Variants in ADA observed in about 807,000 individuals in gnomAD.
ADA encodes adenosine aminohydrolase.
Under a neutral mutation model 49.0 loss-of-function variants are expected in ADA, and 45 were observed. The ratio of observed to expected loss-of-function variants is 0.92; its 90% CI spans 0.72 to 1.18. The LOEUF (loss-of-function observed/expected upper bound fraction) is 1.18. Ranked by LOEUF, ADA falls within the 50% of genes most tolerant of loss-of-function variation. The pLI is 0.00. For missense variants in ADA, 445 were observed against 472.5 expected, an observed-to-expected ratio of 0.94 and a Z score of 0.54; for synonymous variants, 173 against 184.2, an observed-to-expected ratio of 0.94 and a Z score of 0.49.
At position 44,651,647 on chromosome 20, in the gene ADA, G is replaced by T. The variant is rs1378059061; in HGVS notation, c.-40C>A. The T allele has an allele frequency of 4.0e-6, 6 of 1,498,382 alleles. No individual in the cohort carries two copies. The Admixed American group carries it at 6.3e-5, about 16-fold the overall frequency. 92.8% of individuals were successfully genotyped at this position (1,498,382 alleles called of 1,614,324 possible). A position where few individuals can be genotyped will look rare whatever the true frequency, so the allele number is the denominator to read the frequency against. On this transcript the variant is annotated 5_prime_UTR_variant, in exon 1 of 12. Transcript: ENST00000372874. Reference sequence around the variant, plus strand: ...CCCCGGCGCTGCTCCCTCCGCCGCCGCTCGGTGGGTCTCTGCCGGCTCGGT... The same window carrying T: ...CCCCGGCGCTGCTCCCTCCGCCGCCTCTCGGTGGGTCTCTGCCGGCTCGGT...
At position 44,638,421 on chromosome 20, in the gene ADA, CA is replaced by C. The variant is rs1568852512; in HGVS notation, c.34-2134del. 2.1e-4 allele frequency among the ~76,000 whole-genome samples: 32 copies of C among 152,062 alleles called. No individual in the cohort carries two copies. The East Asian group carries it at 6.0e-3, about 29-fold the overall frequency. On this transcript the variant is annotated intron_variant, in intron 1 of 11. Coordinates refer to ENST00000372874, the MANE Select transcript of ADA (RefSeq NM_000022.4). The stretch of plus-strand genomic sequence containing the variant: ...TGAAACCCCATCTCTACTAAAAATG[CA>C]AAAAATTAGCCAGGCGTGGTGGCGC...
At chr20:44,642,469 GAAGA>G (rs1462025112) in intron 1 of ADA, among the ~76,000 whole-genome samples, 1 of 152,234 alleles carries the variant, frequency 6.6e-6, no homozygotes, top group Non-Finnish European at 1.5e-5. Context: ...TCGCCAGGGA[GAAGA>G]AAGAAGGAGA....
At chr20:44,634,592 C>A (rs2065462646) in intron 2 of ADA, among the ~76,000 whole-genome samples, 2 of 152,224 alleles carry the variant, frequency 1.3e-5, no homozygotes, top group Non-Finnish European at 2.9e-5. Context: ...AATAACTTAA[C>A]CCGGGTAACG....
intron 2 of ADA, among the ~76,000 whole-genome samples, chr20:44,634,643 CT>C: frequency 6.6e-6 from 1 of 152,216 alleles, no homozygotes; most frequent in Non-Finnish European, 1.5e-5. Flanking sequence ...TGCTACTGTG[CT>C]TATGCCTTGC....
intron 2 of ADA, 121 bp from the exon 3 acceptor site, chr20:44,629,290 G>T: frequency 6.9e-7 from 1 of 1,439,426 alleles, no homozygotes; most frequent in Non-Finnish European, 9.5e-7. Flanking sequence ...AGGAGACATG[G>T]GCGTCTCTCA....
intron 2 of ADA, among the ~76,000 whole-genome samples, chr20:44,634,088 G>A (rs1024223711): frequency 2.6e-5 from 4 of 152,222 alleles, no homozygotes; most frequent in Middle Eastern, 3.2e-3. Flanking sequence ...GCCCCTCCCG[G>A]CGGCTCCTTT....
rs549650127 is a variant in ADA at position 44,619,703 on chromosome 20, T to C, written c.*131A>G. ...ATACGTGTGTGCAGAAATGGACACA[T>C]AGGGTTCAGGAGCATCAGTAACTGA... On this transcript the variant is annotated 3_prime_UTR_variant, in exon 12 of 12. Coordinates refer to ENST00000372874, the MANE Select transcript of ADA (RefSeq NM_000022.4). 57 of 1,230,516 alleles carry C rather than the reference T, an allele frequency of 4.6e-5. 1 individual carries two copies. The highest frequency in any genetic ancestry group is 4.0e-4 in the South Asian group (33 of 81,502). The allele number at this position is 1,230,516 out of a possible 1,614,324, so 76.2% of individuals were successfully genotyped here.
At chr20:44,626,166 G>A (rs770067052) in intron 4 of ADA, among the ~76,000 whole-genome samples, 2 of 152,218 alleles carry the variant, frequency 1.3e-5, no homozygotes, top group Non-Finnish European at 2.9e-5. Flanking sequence ...AGACCCCTCA[G>A]AAATCCTGGG....
chr20:44,636,070 C>T (rs1323420930), intron 2 of ADA, 157 bp downstream of exon 2: 8 of 737,338 alleles, frequency 1.1e-5, no homozygotes, highest in Non-Finnish European at 1.9e-5. Flanking sequence ...GCTGAGGCCT[C>T]CATGTCCTCA....
intron 2 of ADA, among the ~76,000 whole-genome samples, chr20:44,629,722 G>C (rs1600928445): frequency 2.6e-5 from 4 of 152,084 alleles, no homozygotes; most frequent in Non-Finnish European, 5.9e-5. Context: ...CAGGGGAGGG[G>C]CCCAGTGGGC....
intron 2 of ADA, among the ~76,000 whole-genome samples, chr20:44,631,681 C>T (rs74840418): frequency 0.012 from 1,872 of 152,328 alleles, 37 homozygotes; most frequent in African/African-American, 0.043. Context: ...TCTGGTCGTT[C>T]TCTCTCAGAC....
At chr20:44,631,708 C>A (rs1053811551) in intron 2 of ADA, among the ~76,000 whole-genome samples, 7 of 152,208 alleles carry the variant, frequency 4.6e-5, no homozygotes. Context: ...TTTTACACAC[C>A]TGGCCAGGCC....
rs373294495 is a variant in ADA, at chr20:44,636,300, C to T, written c.34-12G>A. On this transcript the variant is annotated splice_polypyrimidine_tract_variant and intron_variant, in intron 1 of 11. Coordinates refer to ENST00000372874, the MANE Select transcript of ADA (RefSeq NM_000022.4). ...ACATGCAGTTCCACCTGCAAGGGGG[C>T]AGGGGGAAGAGAGAGAGAAAGGGAG... 15 of 1,595,110 alleles carry T rather than the reference C, an allele frequency of 9.4e-6. No individual in the cohort carries two copies. Among genetic ancestry groups the T allele is most frequent in the Non-Finnish European group, 1.2e-5 (14 of 1,167,830 alleles).
chr20:44,619,635 G>A lies in ADA; in HGVS notation c.*199C>T. 1.5e-6 allele frequency: 1 copy of A among 665,650 alleles called. No homozygotes were observed. The allele number at this position is 665,650 out of a possible 1,614,324, so 41.2% of individuals were successfully genotyped here. ...CCATGTGCAAGGGCGCTGGTCCCTG[G>A]CCAGGGCACATAATCAGAGAAGTGA... On this transcript the variant is annotated 3_prime_UTR_variant, in exon 12 of 12. Transcript: ENST00000372874.
rs562055008 is a variant in ADA at position 44,623,043 on chromosome 20, G to A, written c.642C>T (p.His214=). The A allele has an allele frequency of 9.5e-5, 153 of 1,614,116 alleles. No individual in the cohort carries two copies. Among genetic ancestry groups the A allele is most frequent in the South Asian group, 5.6e-4 (51 of 91,084 alleles). The change falls in exon 7 of 12, where the codon CAC becomes CAT. Residue 214 remains histidine, a synonymous_variant. Coordinates refer to ENST00000372874, the MANE Select transcript of ADA (RefSeq NM_000022.4). ...AVKSGIHRTV[H]AGEVGSAEVV... ...CTTCGGCCGAGCCCACCTCCCCGGC[G>A]TGGACAGTACGGTGAATGCCGCTCT...
chr20:44,619,975 A>T (rs2065312323), intron 11 of ADA, 128 bp from the exon 12 acceptor site: 1 of 1,268,950 alleles, frequency 7.9e-7, no homozygotes, highest in South Asian at 1.3e-5. Flanking sequence ...CCTTGCCAAG[A>T]CCACATAGGA....
intron 2 of ADA, among the ~76,000 whole-genome samples, chr20:44,631,171 T>TG (rs1054147048): frequency 6.6e-6 from 1 of 152,196 alleles, no homozygotes; most frequent in Non-Finnish European, 1.5e-5. Flanking sequence ...CTAAGCCCCC[T>TG]GAATGTGCTC....
rs550893200 is a variant in ADA, at chr20:44,622,666, T to C, written c.781-14A>G. ...CCAGGGGCAGATCTGGAAGAGCAGG[T>C]GTGTGGCTGGCAGGGATGGCCCCAG... is the stretch of plus-strand genomic sequence containing the variant. On this transcript the variant is annotated splice_polypyrimidine_tract_variant and intron_variant, in intron 8 of 11. Coordinates refer to ENST00000372874, the MANE Select transcript of ADA (RefSeq NM_000022.4). The C allele has an allele frequency of 6.2e-7, 1 of 1,614,046 alleles. No individual in the cohort carries two copies. Among genetic ancestry groups the C allele is most frequent in the Non-Finnish European group, 8.5e-7 (1 of 1,179,982 alleles).
In ADA at chr20:44,629,193, G is replaced by A. The variant is rs1210147611; in HGVS notation, c.96-24C>T. The A allele has an allele frequency of 6.8e-6, 11 of 1,613,958 alleles. No homozygotes were observed. The East Asian group carries it at 2.5e-4, about 36-fold the overall frequency. On this transcript the variant is annotated intron_variant, in intron 2 of 11. Coordinates refer to ENST00000372874, the MANE Select transcript of ADA (RefSeq NM_000022.4). ...TCCTGGAAACAAAACAGTGAGTGGT[G>A]GACCAACCCGGGGCAGGATCCAGGC...
Sources: gnomAD v4.1 joint callset for allele counts (sites outside exome capture counted in the v4.1 genomes callset) on GRCh38, gnomAD v4.1.1 for gene constraint, MANE v1.5 for transcripts, NCBI Gene and HGNC (gene_info 2026-07-23, HGNC 2026-07-21) for gene names.